ARHGEF11: variants seen among roughly 807,000 people sequenced by gnomAD.
ARHGEF11 encodes Rho guanine exchange factor (GEF) 11.
Under a neutral mutation model 193.7 loss-of-function variants are expected in ARHGEF11, and 55 were observed. The ratio of observed to expected loss-of-function variants is 0.28; its 90% CI spans 0.23 to 0.36. ARHGEF11 has a LOEUF of 0.36. Ranked by LOEUF, ARHGEF11 falls within the 10% of genes least tolerant of loss-of-function variation. ARHGEF11 has a pLI of 1.00. For missense variants in ARHGEF11, 1,723 were observed against 2,005.6 expected (o/e 0.86, Z 2.69); for synonymous variants, 693 against 768.0 (o/e 0.90, Z 1.62).
At chr1:156,947,722 T>G in intron 25 of ARHGEF11, 47 bp downstream of exon 25, 1 of 1,599,636 alleles carries the variant, frequency 6.3e-7, no homozygotes, top group South Asian at 1.1e-5. Flanking sequence ...TCTGGACCTA[T>G]TCCCACACGT....
intron 29 of ARHGEF11, 179 bp downstream of exon 29, chr1:156,945,866 A>T: frequency 1.7e-6 from 1 of 577,812 alleles, no homozygotes; most frequent in African/African-American, 1.9e-5. Flanking sequence ...TAAACACCTT[A>T]TATTTTCCAA....
At chr1:157,000,367 A>C (rs1667071819) in intron 1 of ARHGEF11, among the ~76,000 whole-genome samples, 1 of 152,220 alleles carries the variant, frequency 6.6e-6, no homozygotes, top group Non-Finnish European at 1.5e-5. Flanking sequence ...ATAAATTCTC[A>C]AAAGACTGGA....
At chr1:156,958,603 G>C (rs1228112361) in intron 17 of ARHGEF11, 139 bp downstream of exon 17, 1 of 1,244,004 alleles carries the variant, frequency 8.0e-7, no homozygotes, top group African/African-American at 1.5e-5. Flanking sequence ...TGCAGCAGGA[G>C]TGCAGGACTC....
chr1:156,980,254 ATCC>A (rs1230234299), intron 4 of ARHGEF11, among the ~76,000 whole-genome samples, 180 bp downstream of exon 4: 1 of 152,244 alleles, frequency 6.6e-6, no homozygotes, highest in Non-Finnish European at 1.5e-5. Context: ...GAACACAGCT[ATCC>A]TCCTCCTCAC....
intron 1 of ARHGEF11, among the ~76,000 whole-genome samples, chr1:157,013,968 T>C (rs900531703): frequency 2.6e-5 from 4 of 152,216 alleles, no homozygotes; most frequent in African/African-American, 9.7e-5. Context: ...AAAGCTCCCA[T>C]TTTCGGGCTT....
chr1:157,038,029 CAAAAAAAAA>C (rs145416871), intron 1 of ARHGEF11, among the ~76,000 whole-genome samples: 3 of 45,502 alleles, frequency 6.6e-5, no homozygotes, highest in Admixed American at 3.4e-4. Flanking sequence ...AAGACTGTCT[CAAAAAAAAA>C]AAAAAAAAAA....
In ARHGEF11 at chr1:156,938,514, C is replaced by T. The variant is rs1428024163; in HGVS notation, c.4097-1G>A. On this transcript the variant is annotated splice_acceptor_variant, in intron 37 of 40. Coordinates refer to ENST00000368194, the MANE Select transcript of ARHGEF11 (RefSeq NM_198236.3). LOFTEE classifies it high-confidence loss of function. The stretch of plus-strand genomic sequence containing the variant: ...ACAACCTTGCTGCCTGCCACCTCAG[C>T]TGCACCGACACCACCACCACCAGGA... 1 of 1,612,270 alleles carries T rather than the reference C, an allele frequency of 6.2e-7. No individual in the cohort carries two copies. The highest frequency in any genetic ancestry group is 1.1e-5 in the South Asian group (1 of 90,838).
At chr1:156,996,702 G>C (rs911343704) in intron 1 of ARHGEF11, among the ~76,000 whole-genome samples, 51 of 149,144 alleles carry the variant, frequency 3.4e-4, no homozygotes, top group Non-Finnish European at 6.2e-4. Context: ...GAACCCGGGG[G>C]GCGGAGCTTG....
chr1:156,943,833 C>T (rs1443909691), intron 32 of ARHGEF11, 102 bp downstream of exon 32: 3 of 1,380,738 alleles, frequency 2.2e-6, no homozygotes, highest in African/African-American at 1.5e-5. Context: ...CACAGGTGGA[C>T]AGGTAGGTCC....
At chr1:156,938,650 G>T in intron 37 of ARHGEF11, 137 bp from the exon 38 acceptor site, 1 of 677,184 alleles carries the variant, frequency 1.5e-6, no homozygotes, top group Non-Finnish European at 2.5e-6. Flanking sequence ...GTGAACACAA[G>T]ATCATACACG....
chr1:156,973,425 T>C (rs956090231), intron 7 of ARHGEF11, among the ~76,000 whole-genome samples: 1 of 152,228 alleles, frequency 6.6e-6, no homozygotes. Flanking sequence ...GTCCCAAAAT[T>C]CCATCCTCAG....
At chr1:156,981,767 G>A (rs900025458) in intron 3 of ARHGEF11, among the ~76,000 whole-genome samples, 2 of 152,098 alleles carry the variant, frequency 1.3e-5, no homozygotes, top group South Asian at 2.1e-4. Flanking sequence ...GTGTCACCTC[G>A]CCCAGCCTCA....
At chr1:157,029,063 A>G (rs536188256) in intron 1 of ARHGEF11, among the ~76,000 whole-genome samples, 1 of 150,566 alleles carries the variant, frequency 6.6e-6, no homozygotes, top group East Asian at 2.0e-4. Context: ...GCTACTCAGG[A>G]GGCTAAGGTG....
intron 1 of ARHGEF11, among the ~76,000 whole-genome samples, chr1:156,987,814 G>C (rs528987874): frequency 3.2e-4 from 49 of 152,216 alleles, no homozygotes; most frequent in Non-Finnish European, 5.3e-4. Flanking sequence ...CGCAGGACAG[G>C]AGGAAGAAAG....
rs752313623 is a variant in ARHGEF11 at position 156,944,333 on chromosome 1, T to G, written c.3067+25A>C. 8 of 1,612,694 alleles carry G rather than the reference T, an allele frequency of 5.0e-6. No homozygotes were observed. The South Asian group carries it at 8.8e-5, about 18-fold the overall frequency. The stretch of plus-strand genomic sequence containing the variant: ...AGGCCCACCCACTACAGGTTCCTGC[T>G]CAGTCCCAGTCCCCTGGCACATACC... On this transcript the variant is annotated intron_variant, in intron 31 of 40. Transcript: ENST00000368194.
At chr1:156,963,748 C>A in intron 11 of ARHGEF11, 154 bp from the exon 12 acceptor site, 2 of 1,451,816 alleles carry the variant, frequency 1.4e-6, no homozygotes, top group Admixed American at 2.9e-5. Context: ...AAAATCAGAG[C>A]ACAGATGAAA....
intron 1 of ARHGEF11, among the ~76,000 whole-genome samples, chr1:157,026,555 A>T (rs548645628): frequency 5.9e-5 from 9 of 152,212 alleles, no homozygotes; most frequent in African/African-American, 2.2e-4. Context: ...CAGTACCCTC[A>T]ACAAAGACTA....
chr1:156,938,200 C>T (rs1356307721), intron 38 of ARHGEF11, among the ~76,000 whole-genome samples: 3 of 152,194 alleles, frequency 2.0e-5, no homozygotes, highest in African/African-American at 7.2e-5. Context: ...CCATTCTGAA[C>T]AGGAGCCTGG....
At position 156,947,324 on chromosome 1, in the gene ARHGEF11, G is replaced by A. The variant is rs146069457; in HGVS notation, c.2468C>T (p.Pro823Leu). 4.3e-6 allele frequency: 7 copies of A among 1,611,224 alleles called. No individual in the cohort carries two copies. The highest frequency in any genetic ancestry group is 5.1e-6 in the Non-Finnish European group (6 of 1,179,028). The change falls in exon 26 of 41, where the codon CCT becomes CTT. Residue 823 changes from proline to leucine, a missense_variant. This residue lies in a region of ARHGEF11 where 491 missense variants were observed against 654.5 expected (regional missense o/e 0.75). Transcript: ENST00000368194. ...CTTACTGTGAATCTCTATGAGTTCA[G>A]GCAGGTTCGGGAAGAGCCGGGCCAG... ...EELARLFPNL[P>L]ELIEIHNSWC...
Sources: allele counts gnomAD v4.1 joint callset (sites outside exome capture counted in the v4.1 genomes callset), GRCh38; gene constraint gnomAD v4.1.1; regional missense constraint gnomAD v4.1.1; transcripts MANE v1.5; gene names NCBI Gene and HGNC (gene_info 2026-07-23, HGNC 2026-07-21).